PDE6B: variants seen among roughly 807,000 people sequenced by gnomAD.
PDE6B encodes the protein rod cGMP-specific 3',5'-cyclic phosphodiesterase subunit beta.
In PDE6B, 106 loss-of-function variants were observed where a neutral mutation model predicts 109.0. The ratio of observed to expected loss-of-function variants is 0.97; its 90% CI spans 0.83 to 1.14. PDE6B has a LOEUF of 1.14. Ranked by LOEUF, PDE6B falls within the 50% of genes most tolerant of loss-of-function variation. PDE6B has a pLI of 0.00. For missense variants in PDE6B, 1,193 were observed against 1,155.6 expected, an observed-to-expected ratio of 1.03 and a Z score of -0.47; for synonymous variants, 490 against 471.3, an observed-to-expected ratio of 1.04 and a Z score of -0.51.
chr4:655,200 T>C (rs538296110), intron 6 of PDE6B: 16 of 444,704 alleles, frequency 3.6e-5, no homozygotes, highest in South Asian at 3.3e-4. Context: ...CAGCAACAAT[T>C]GAGCATGAAG....
chr4:665,828 C>A lies in PDE6B; in HGVS notation c.2268+499C>A, dbSNP rs989737372. On this transcript the variant is annotated intron_variant, in intron 19 of 21. Transcript: ENST00000496514. The surrounding 1 kb of genome is among the most constrained non-coding windows in gnomAD (Gnocchi z 4.0). ...GGCGCCAGGAACAGGAGAGGCAGGGCTGCCCCAGCCCCACGTGGACCAGGT... is the reference window on the plus strand; with the variant it reads ...GGCGCCAGGAACAGGAGAGGCAGGGATGCCCCAGCCCCACGTGGACCAGGT... 6.6e-6 allele frequency among the ~76,000 whole-genome samples: 1 copy of A among 152,196 alleles called. No individual in the cohort carries two copies. Among genetic ancestry groups the A allele is most frequent in the Non-Finnish European group, 1.5e-5 (1 of 68,020 alleles).
At chr4:627,015 A>G (rs1238286455) in intron 1 of PDE6B, among the ~76,000 whole-genome samples, 2 of 152,226 alleles carry the variant, frequency 1.3e-5, no homozygotes, top group Non-Finnish European at 2.9e-5. Flanking sequence ...GGAGGCTGCA[A>G]GAGGCCCAGG....
rs1014159767 is a variant in PDE6B at position 670,294 on chromosome 4, G to A, written c.*187G>A. On this transcript the variant is annotated 3_prime_UTR_variant, in exon 22 of 22. Coordinates refer to ENST00000496514, the MANE Select transcript of PDE6B (RefSeq NM_000283.4). ...GTCTTGCTCTGTCACCCAGGCTGGA[G>A]TGCCGTGGCACGATCTCAGCTCACT... is the stretch of plus-strand genomic sequence containing the variant. The A allele has an allele frequency of 1.8e-5, 14 of 793,930 alleles. No homozygotes were observed. The highest frequency in any genetic ancestry group is 3.1e-5 in the Admixed American group (1 of 32,278). 49.2% of individuals were successfully genotyped at this position (793,930 alleles called of 1,614,324 possible). A position where few individuals can be genotyped will look rare whatever the true frequency, so the allele number is the denominator to read the frequency against.
rs1734479483 is a variant in PDE6B at position 633,251 on chromosome 4, A to G, written c.469-1426A>G. ...AGGGCCCATCCCTGTTTCAGATCCAATAAAGGGATGCTGGCTCCACTGCCC... is the reference window on the plus strand; with the variant it reads ...AGGGCCCATCCCTGTTTCAGATCCAGTAAAGGGATGCTGGCTCCACTGCCC... On this transcript the variant is annotated intron_variant, in intron 1 of 21. Transcript: ENST00000496514. The surrounding 1 kb of genome is among the most constrained non-coding windows in gnomAD (Gnocchi z 4.5). Among the ~76,000 whole-genome samples, 1 of 152,136 alleles carries G rather than the reference A, an allele frequency of 6.6e-6. No homozygotes were observed. The highest frequency in any genetic ancestry group is 6.5e-5 in the Admixed American group (1 of 15,274).
chr4:636,995 G>C lies in PDE6B; in HGVS notation c.711+1026G>C, dbSNP rs147166420. On this transcript the variant is annotated intron_variant, in intron 3 of 21. Transcript: ENST00000496514. The surrounding 1 kb of genome is among the most constrained non-coding windows in gnomAD (Gnocchi z 4.5). ...GGAGAGCATCTGTGTAATGTATCTG[G>C]AATTCTTTTGCGTGAGAGATTTGTC... is the stretch of plus-strand genomic sequence containing the variant. Among the ~76,000 whole-genome samples the C allele has an allele frequency of 3.3e-3, 503 of 152,348 alleles. 3 individuals are homozygous for C. The highest frequency in any genetic ancestry group is 0.011 in the African/African-American group (470 of 41,588).
At chr4:631,669 C>T (rs1449132047) in intron 1 of PDE6B, among the ~76,000 whole-genome samples, 1 of 148,852 alleles carries the variant, frequency 6.7e-6, no homozygotes, top group African/African-American at 2.5e-5. Flanking sequence ...TGCGTGGATC[C>T]ATGTGGCTCC....
intron 3 of PDE6B, among the ~76,000 whole-genome samples, chr4:650,586 G>A (rs576223738): frequency 5.6e-4 from 86 of 152,336 alleles, no homozygotes; most frequent in African/African-American, 1.9e-3. Flanking sequence ...AGTGGAGGGG[G>A]TCCCCCAGCC....
chr4:640,110 A>G (rs1734875986), intron 3 of PDE6B, among the ~76,000 whole-genome samples: 2 of 152,278 alleles, frequency 1.3e-5, no homozygotes, highest in Non-Finnish European at 2.9e-5. Flanking sequence ...ATTTGAGATC[A>G]GCCTGGTCAA....
intron 3 of PDE6B, among the ~76,000 whole-genome samples, chr4:644,060 A>G (rs1405689559): frequency 1.3e-5 from 2 of 151,228 alleles, no homozygotes; most frequent in Non-Finnish European, 2.9e-5. Context: ...CTGGAACTAC[A>G]GACACACACC....
chr4:663,987 C>T lies in PDE6B; in HGVS notation c.2021+117C>T, dbSNP rs1257476090. 4 of 1,112,874 alleles carry T rather than the reference C, an allele frequency of 3.6e-6. No individual in the cohort carries two copies. Among genetic ancestry groups the T allele is most frequent in the Non-Finnish European group, 4.1e-6 (3 of 739,170 alleles). 68.9% of individuals were successfully genotyped at this position (1,112,874 alleles called of 1,614,324 possible). A position where few individuals can be genotyped will look rare whatever the true frequency, so the allele number is the denominator to read the frequency against. ...GGGGACGCAGCCCCGGATTCCGTCC[C>T]TGCCCGCCGGCCCCGCGCACCCCGG... is the stretch of plus-strand genomic sequence containing the variant. On this transcript the variant is annotated intron_variant, in intron 16 of 21. Coordinates refer to ENST00000496514, the MANE Select transcript of PDE6B (RefSeq NM_000283.4). This position sits in a 1 kb window ranked among gnomAD's most constrained non-coding sequence, Gnocchi z 4.0.
Position 625,880 on chromosome 4 carries a change from C to A in PDE6B, c.254C>A (p.Thr85Asn), listed in dbSNP as rs758310958. 2 of 1,607,464 alleles carry A rather than the reference C, an allele frequency of 1.2e-6. No individual in the cohort carries two copies. Among genetic ancestry groups the A allele is most frequent in the Admixed American group, 3.4e-5 (2 of 59,140 alleles). Residue 85 changes from threonine to asparagine, a missense_variant, in exon 1 of 22, where the codon ACC (threonine) becomes AAC (asparagine). Transcript: ENST00000496514. This position sits in a 1 kb window ranked among gnomAD's most constrained non-coding sequence, Gnocchi z 5.0. ...TTCAAGGTCCTGCGGCGCCTCTGCA[C>A]CCTCCTGCAGGCCGACCGCTGCAGC... ...VVFKVLRRLCTLLQADRCSLF... is the reference protein window; with the variant it reads ...VVFKVLRRLCNLLQADRCSLF...
rs529779908 is a variant in PDE6B, at chr4:631,578, C to T, written c.469-3099C>T. On this transcript the variant is annotated intron_variant, in intron 1 of 21. Coordinates refer to ENST00000496514, the MANE Select transcript of PDE6B (RefSeq NM_000283.4). The stretch of plus-strand genomic sequence containing the variant: ...GTGGCACTGTCTGAGGGTTATGTTG[C>T]GTGGATCTGTGTGGCACCATCTGAG... 1.7e-4 allele frequency among the ~76,000 whole-genome samples: 25 copies of T among 149,970 alleles called. No individual in the cohort carries two copies. The South Asian group carries it at 2.8e-3, about 17-fold the overall frequency.
chr4:637,745 C>A (rs544349077), intron 3 of PDE6B, among the ~76,000 whole-genome samples: 1 of 152,224 alleles, frequency 6.6e-6, no homozygotes, highest in African/African-American at 2.4e-5. Context: ...TCGTCCCCTG[C>A]GTGTGCGCAG....
intron 5 of PDE6B, 134 bp downstream of exon 5, chr4:654,288 T>C: frequency 1.3e-6 from 1 of 798,118 alleles, no homozygotes; most frequent in Non-Finnish European, 2.1e-6. Flanking sequence ...CCCGGGTGCC[T>C]GTCTGTGGTC....
In PDE6B at chr4:626,701, G is replaced by A. The variant is rs1315651260; in HGVS notation, c.468+607G>A. 1.3e-5 allele frequency among the ~76,000 whole-genome samples: 2 copies of A among 152,242 alleles called. No homozygotes were observed. The highest frequency in any genetic ancestry group is 2.4e-5 in the African/African-American group (1 of 41,468). On this transcript the variant is annotated intron_variant, in intron 1 of 21. Transcript: ENST00000496514. This position sits in a 1 kb window ranked among gnomAD's most constrained non-coding sequence, Gnocchi z 4.6. ...CCAGGGTGGGACTGGGGAGGGACAA[G>A]AGACAGAATCGAGACAGGCTCACTG...
At chr4:669,548 GCTACGCCATGCTATTCCCA>G (rs1738246323) in intron 21 of PDE6B, among the ~76,000 whole-genome samples, 3 of 18,762 alleles carry the variant, frequency 1.6e-4, no homozygotes, top group Admixed American at 5.3e-4. Flanking sequence ...TGCTATTCCC[GCTACGCCATGCTATTCCCA>G]CTACCCCATG....
chr4:660,357 G>A, intron 11 of PDE6B, 110 bp from the exon 12 acceptor site: 3 of 1,083,404 alleles, frequency 2.8e-6, no homozygotes, highest in Non-Finnish European at 2.8e-6. Flanking sequence ...TCTCCTCAGA[G>A]ATGCCTGAGG....
chr4:625,990 T>C lies in PDE6B; in HGVS notation c.364T>C (p.Cys122Arg), dbSNP rs1395366466. The change falls in exon 1 of 22, where the codon TGC (cysteine) becomes CGC (arginine). Residue 122 changes from cysteine to arginine, a missense_variant. Cys to Arg is a radical substitution (Grantham distance 180, BLOSUM62 -3). Transcript: ENST00000496514. This position sits in a 1 kb window ranked among gnomAD's most constrained non-coding sequence, Gnocchi z 5.0. ...GCAGCCGGACAGCGTCCTGGAGGACTGCCTGGTGCCCCCCGACTCCGAGAT... is the reference window on the plus strand; with the variant it reads ...GCAGCCGGACAGCGTCCTGGAGGACCGCCTGGTGCCCCCCGACTCCGAGAT... ...SVQPDSVLED[C>R]LVPPDSEIVF... The C allele has an allele frequency of 1.9e-6, 3 of 1,583,208 alleles. No individual in the cohort carries two copies.
chr4:661,138 A>G (rs1217086010), intron 12 of PDE6B: 1 of 153,436 alleles, frequency 6.5e-6, no homozygotes, highest in African/African-American at 2.4e-5. Flanking sequence ...AGGTGGGTCA[A>G]TTAATGAATT....
Sources: gnomAD v4.1 joint callset for allele counts (sites outside exome capture counted in the v4.1 genomes callset) on GRCh38, gnomAD v4.1.1 for gene constraint, Gnocchi (gnomAD v3.1) non-coding constraint, MANE v1.5 for transcripts, NCBI Gene and HGNC (gene_info 2026-07-23, HGNC 2026-07-21) for gene names.